PRAMEF9: variants seen among roughly 807,000 people sequenced by gnomAD.
PRAMEF9 encodes the protein PRAME family member 9/15.
PRAMEF9 carries 1 observed loss-of-function variant against 10.9 expected under a neutral mutation model. The ratio of observed to expected loss-of-function variants is 0.09; its 90% confidence interval spans 0.03 to 0.44. PRAMEF9 has a LOEUF of 0.44. Among genes scored for constraint, PRAMEF9 ranks in the 20% least tolerant of loss-of-function variants. The pLI is 0.97. For missense variants in PRAMEF9, 126 were observed against 379.8 expected, an observed-to-expected ratio of 0.33 and a Z score of 5.55; for synonymous variants, 40 against 148.3, an observed-to-expected ratio of 0.27 and a Z score of 5.31.
rs782330665 is a variant in PRAMEF9, at chr1:13,178,955, G to A, written c.1260G>A (p.Glu420=). Residue 420 remains glutamate, a synonymous_variant, in exon 4 of 4, where the codon GAG becomes GAA. Coordinates refer to ENST00000415919, the MANE Select transcript of PRAMEF9 (RefSeq NM_001010890.3). The stretch of plus-strand genomic sequence containing the variant: ...TGGAGGTGTATCCTGCCCCGCGGGA[G>A]AGTTATGGTGCTGATGGTACTCTCT... ...LCVEVYPAPR[E]SYGADGTLCW... The A allele has an allele frequency of 6.5e-7, 1 of 1,538,558 alleles. No individual in the cohort carries two copies. The highest frequency in any genetic ancestry group is 1.1e-5 in the South Asian group (1 of 88,964).
rs1330809780 is a variant in PRAMEF9 at position 13,175,171 on chromosome 1, T to C, written c.-16-94T>C. On this transcript the variant is annotated intron_variant, in intron 1 of 3. Transcript: ENST00000415919. ...GAGTAAACTGAGGGCTGTTTCACCA[T>C]TGCCAGAGCAGTGAGTTTGGCCATA... is the stretch of plus-strand genomic sequence containing the variant. The C allele has an allele frequency of 8.6e-6, 11 of 1,282,364 alleles. 1 individual carries two copies. The highest frequency in any genetic ancestry group is 1.4e-5 in the African/African-American group (1 of 71,864). 79.4% of individuals were successfully genotyped at this position (1,282,364 alleles called of 1,614,324 possible). A position where few individuals can be genotyped will look rare whatever the true frequency, so the allele number is the denominator to read the frequency against.
intron 1 of PRAMEF9, chr1:13,173,105 G>A (rs1446908999): frequency 1.1e-5 from 1 of 93,522 alleles, no homozygotes; most frequent in African/African-American, 3.0e-5. Flanking sequence ...TCGAACACCT[G>A]ACCTCAAGTG....
rs1330686252 is a variant in PRAMEF9 at position 13,179,050 on chromosome 1, G to A, written c.1355G>A (p.Arg452Lys). 1.3e-6 allele frequency: 2 copies of A among 1,541,312 alleles called. No homozygotes were observed. Among genetic ancestry groups the A allele is most frequent in the African/African-American group, 2.7e-5 (2 of 74,230 alleles). ...NRVRDLRHPK[R>K]IFFCIDNCPD... ...GTGAGGGACTTAAGGCACCCCAAGA[G>A]GATCTTTTTCTGTATTGACAACTGC... The change falls in exon 4 of 4, where the codon AGG becomes AAG. Residue 452 changes from arginine (R) to lysine (K), a missense_variant. Physicochemically the swap from Arg to Lys is conservative, Grantham distance 26. Transcript: ENST00000415919.
rs1289552495 is a variant in PRAMEF9, at chr1:13,172,159, G to C, written c.-390G>C. 2 of 144,556 alleles carry C rather than the reference G, an allele frequency of 1.4e-5. No individual in the cohort carries two copies. The highest frequency in any genetic ancestry group is 4.9e-5 in the African/African-American group (2 of 41,014). 9.0% of individuals were successfully genotyped at this position (144,556 alleles called of 1,614,324 possible). ...CACAGTGCTGGGATTACAGGTGTGAGCCACTTCGTCTGGCCTTGAATGAAT... is the reference window on the plus strand; with the variant it reads ...CACAGTGCTGGGATTACAGGTGTGACCCACTTCGTCTGGCCTTGAATGAAT... On this transcript the variant is annotated 5_prime_UTR_variant, in exon 1 of 4. Coordinates refer to ENST00000415919, the MANE Select transcript of PRAMEF9 (RefSeq NM_001010890.3).
intron 1 of PRAMEF9, chr1:13,173,384 G>A (rs1403792052): frequency 3.7e-5 from 1 of 27,256 alleles, no homozygotes; most frequent in African/African-American, 8.8e-5. Context: ...ACATGGCTGT[G>A]GGGGGTGCCT....
Position 13,175,260 on chromosome 1 carries a change from G to A in PRAMEF9, c.-16-5G>A, listed in dbSNP as rs1638364927. ...TGCCTTTTCTCTGGGTTTGTCCTCT[G>A]GAAGTTTTCCCTGCAGATTCATGAA... On this transcript the variant is annotated splice_polypyrimidine_tract_variant and splice_region_variant and intron_variant, in intron 1 of 3. Transcript: ENST00000415919. 3 of 1,303,928 alleles carry A rather than the reference G, an allele frequency of 2.3e-6. No homozygotes were observed. The African/African-American group carries it at 4.3e-5, about 19-fold the overall frequency. The allele number at this position is 1,303,928 out of a possible 1,614,324, so 80.8% of individuals were successfully genotyped here.
In PRAMEF9 at chr1:13,175,409, G is replaced by C; in HGVS notation, c.129G>C (p.Met43Ile). The change falls in exon 2 of 4, where the codon ATG becomes ATC. Residue 43 changes from methionine to isoleucine, a missense_variant. Physicochemically the swap from Met to Ile is conservative, Grantham distance 10. Transcript: ENST00000415919. ...LPTELFPPLF[M>I]EAFSRRRCEA... The stretch of plus-strand genomic sequence containing the variant: ...CAGAACTTTTCCCCCCACTGTTCAT[G>C]GAGGCCTTCAGCAGGAGACGCTGTG... 1 of 1,527,800 alleles carries C rather than the reference G, an allele frequency of 6.5e-7. No homozygotes were observed. Among genetic ancestry groups the C allele is most frequent in the Non-Finnish European group, 9.0e-7 (1 of 1,117,116 alleles). 94.6% of individuals were successfully genotyped at this position (1,527,800 alleles called of 1,614,324 possible).
At position 13,172,495 on chromosome 1, in the gene PRAMEF9, C is replaced by T. The variant is rs1312989634; in HGVS notation, c.-54C>T. 7.1e-6 allele frequency: 1 copy of T among 141,590 alleles called. No individual in the cohort carries two copies. Among genetic ancestry groups the T allele is most frequent in the Non-Finnish European group, 1.6e-5 (1 of 62,690 alleles). 8.8% of individuals were successfully genotyped at this position (141,590 alleles called of 1,614,324 possible). ...GCCTGGAGTTCCTGCTTGGTTCTTCCTGAGGTCTGAGCACCTTCTAAACTA... is the reference window on the plus strand; with the variant it reads ...GCCTGGAGTTCCTGCTTGGTTCTTCTTGAGGTCTGAGCACCTTCTAAACTA... On this transcript the variant is annotated 5_prime_UTR_variant, in exon 1 of 4. Coordinates refer to ENST00000415919, the MANE Select transcript of PRAMEF9 (RefSeq NM_001010890.3).
rs781992586 is a variant in PRAMEF9, at chr1:13,179,156, T to A, written c.*24T>A. ...GAATGCCTGCCTATTTGGATGGGTA[T>A]GTCAAACGCTTTCTTCTGGACACTT... On this transcript the variant is annotated 3_prime_UTR_variant, in exon 4 of 4. Coordinates refer to ENST00000415919, the MANE Select transcript of PRAMEF9 (RefSeq NM_001010890.3). The A allele has an allele frequency of 6.7e-7, 1 of 1,490,936 alleles. No individual in the cohort carries two copies. The highest frequency in any genetic ancestry group is 1.1e-5 in the South Asian group (1 of 87,790). The allele number at this position is 1,490,936 out of a possible 1,614,324, so 92.4% of individuals were successfully genotyped here. A position where few individuals can be genotyped will look rare whatever the true frequency, so the allele number is the denominator to read the frequency against.
rs1275501670 is a variant in PRAMEF9, at chr1:13,173,413, G to A, written c.-17+881G>A. 1.1e-4 allele frequency: 2 copies of A among 18,404 alleles called. 1 individual carries two copies. The highest frequency in any genetic ancestry group is 2.6e-4 in the Non-Finnish European group (2 of 7,782). 1.1% of individuals were successfully genotyped at this position (18,404 alleles called of 1,614,324 possible). A position where few individuals can be genotyped will look rare whatever the true frequency, so the allele number is the denominator to read the frequency against. On this transcript the variant is annotated intron_variant, in intron 1 of 3. Coordinates refer to ENST00000415919, the MANE Select transcript of PRAMEF9 (RefSeq NM_001010890.3). ...GGTGCCTGCCTGTAGTCCCAGCTACGTGGAAGGCTGAAGCATGCGAATTGC... is the reference window on the plus strand; with the variant it reads ...GGTGCCTGCCTGTAGTCCCAGCTACATGGAAGGCTGAAGCATGCGAATTGC...
rs1451428567 is a variant in PRAMEF9, at chr1:13,172,304, C to A, written c.-245C>A. 8.3e-6 allele frequency: 1 copy of A among 121,044 alleles called. No individual in the cohort carries two copies. The highest frequency in any genetic ancestry group is 2.5e-5 in the African/African-American group (1 of 39,514). 7.5% of individuals were successfully genotyped at this position (121,044 alleles called of 1,614,324 possible). On this transcript the variant is annotated 5_prime_UTR_variant, in exon 1 of 4. Coordinates refer to ENST00000415919, the MANE Select transcript of PRAMEF9 (RefSeq NM_001010890.3). ...CCATTAATCTGGGGAGAGCCAAAAA[C>A]CCAATCAGGATTACCTGGGTGGAGT... is the stretch of plus-strand genomic sequence containing the variant.
chr1:13,172,577 T>G (rs1638338253), intron 1 of PRAMEF9, 45 bp downstream of exon 1: 1 of 139,650 alleles, frequency 7.2e-6, no homozygotes, highest in South Asian at 2.3e-4. Context: ...TGACCTACAG[T>G]CAGTCAGTCT....
At chr1:13,175,173 G>A (rs1638362103) in intron 1 of PRAMEF9, 92 bp from the exon 2 acceptor site, 3 of 1,297,580 alleles carry the variant, frequency 2.3e-6, no homozygotes, top group Admixed American at 1.9e-5. Context: ...TTTCACCATT[G>A]CCAGAGCAGT....
At position 13,179,117 on chromosome 1, in the gene PRAMEF9, T is replaced by A. The variant is rs781943600; in HGVS notation, c.1422T>A (p.Asp474Glu). ...GNRSFYDLEA[D>E]QYCC Reference sequence around the variant, plus strand: ...GGTCATTTTATGACCTGGAGGCAGATCAATACTGCTGTTGAATGCCTGCCT... The same window carrying A: ...GGTCATTTTATGACCTGGAGGCAGAACAATACTGCTGTTGAATGCCTGCCT... Residue 474 changes from aspartate to glutamate, a missense_variant, in exon 4 of 4, where the codon GAT (aspartate) becomes GAA (glutamate). Asp to Glu is a conservative substitution (Grantham distance 45). Coordinates refer to ENST00000415919, the MANE Select transcript of PRAMEF9 (RefSeq NM_001010890.3). The A allele has an allele frequency of 1.4e-5, 21 of 1,540,044 alleles. 1 individual carries two copies. The highest frequency in any genetic ancestry group is 6.9e-5 in the Admixed American group (4 of 58,208).
At position 13,172,067 on chromosome 1, in the gene PRAMEF9, G is replaced by A. The variant is rs1429005576; in HGVS notation, c.-482G>A. On this transcript the variant is annotated 5_prime_UTR_variant, in exon 1 of 4. Coordinates refer to ENST00000415919, the MANE Select transcript of PRAMEF9 (RefSeq NM_001010890.3). The stretch of plus-strand genomic sequence containing the variant: ...TTTTTGTAATTTTAGTAGAGGTAGG[G>A]TTTTACCATGTTGGCCAGGCTTGTC... 7.0e-6 allele frequency: 1 copy of A among 142,898 alleles called. No homozygotes were observed. Among genetic ancestry groups the A allele is most frequent in the Non-Finnish European group, 1.6e-5 (1 of 63,228 alleles). 8.9% of individuals were successfully genotyped at this position (142,898 alleles called of 1,614,324 possible).
intron 1 of PRAMEF9, chr1:13,173,431 C>A (rs1285947243): frequency 7.2e-4 from 6 of 8,374 alleles, no homozygotes; most frequent in South Asian, 3.5e-3. Context: ...CTGAAGCATG[C>A]GAATTGCTTG....
Position 13,178,992 on chromosome 1 carries a change from T to C in PRAMEF9, c.1297T>C (p.Phe433Leu). The change falls in exon 4 of 4, where the codon TTT becomes CTT. Residue 433 changes from phenylalanine (F) to leucine (L), a missense_variant. Phe to Leu is a conservative substitution (Grantham distance 22, BLOSUM62 0). Transcript: ENST00000415919. Reference protein sequence around the residue: ...GADGTLCWSRFAQIRAELMNR... With the variant: ...GADGTLCWSRLAQIRAELMNR... ...TGATGGTACTCTCTGCTGGAGCAGA[T>C]TTGCTCAAATTAGGGCTGAGCTGAT... 1.9e-6 allele frequency: 3 copies of C among 1,541,004 alleles called. 1 individual carries two copies. The highest frequency in any genetic ancestry group is 2.0e-4 in the Middle Eastern group (1 of 4,884).
At position 13,179,027 on chromosome 1, in the gene PRAMEF9, G is replaced by T. The variant is rs782017870; in HGVS notation, c.1332G>T (p.Val444=). ...TTAGGGCTGAGCTGATGAACAGAGT[G>T]AGGGACTTAAGGCACCCCAAGAGGA... ...AQIRAELMNR[V]RDLRHPKRIF... The change falls in exon 4 of 4, where the codon GTG becomes GTT. Residue 444 remains valine, a synonymous_variant. Transcript: ENST00000415919. 3.4e-5 allele frequency: 52 copies of T among 1,541,632 alleles called. 4 individuals are homozygous for T. The highest frequency in any genetic ancestry group is 1.3e-4 in the African/African-American group (10 of 74,232).
In PRAMEF9 at chr1:13,171,979, A is replaced by G. The variant is rs1344245616; in HGVS notation, c.-570A>G. 7.3e-6 allele frequency: 1 copy of G among 137,402 alleles called. No individual in the cohort carries two copies. The highest frequency in any genetic ancestry group is 7.7e-5 in the Admixed American group (1 of 12,952). 8.5% of individuals were successfully genotyped at this position (137,402 alleles called of 1,614,324 possible). On this transcript the variant is annotated 5_prime_UTR_variant, in exon 1 of 4. Coordinates refer to ENST00000415919, the MANE Select transcript of PRAMEF9 (RefSeq NM_001010890.3). ...AACCTCTGCCTCCTGGGTTCAAGGG[A>G]TCCTCCTGTCTCAGCCTCCCTAGTA... is the stretch of plus-strand genomic sequence containing the variant.
Sources: allele counts gnomAD v4.1 joint callset, GRCh38; gene constraint gnomAD v4.1.1; transcripts MANE v1.5; gene names NCBI Gene and HGNC (gene_info 2026-07-23, HGNC 2026-07-21).